The following LARP1B variants were observed in gnomAD, a reference collection of about 807,000 sequenced individuals.
The protein encoded by LARP1B is la-related protein 1B.
Under a neutral mutation model 114.2 loss-of-function variants are expected in LARP1B, and 76 were observed. The ratio of observed to expected loss-of-function variants is 0.67; its 90% CI spans 0.55 to 0.81. The LOEUF is 0.81. Among genes scored for constraint, LARP1B ranks in the 30% least tolerant of loss-of-function variants. LARP1B has a pLI of 0.00. For missense variants in LARP1B, 1,014 were observed against 1,075.8 expected (o/e 0.94, Z 0.80); for synonymous variants, 345 against 348.0 (o/e 0.99, Z 0.10).
At chr4:128,086,515 G>T (rs1399928753) in intron 5 of LARP1B, among the ~76,000 whole-genome samples, 2 of 152,106 alleles carry the variant, frequency 1.3e-5, no homozygotes, top group Admixed American at 1.3e-4. Context: ...TTTTTGTAGA[G>T]ATGGGGTTTC....
intron 7 of LARP1B, among the ~76,000 whole-genome samples, chr4:128,092,122 G>A (rs1443994619): frequency 1.3e-5 from 2 of 152,234 alleles, no homozygotes; most frequent in South Asian, 2.1e-4. Flanking sequence ...ATATAAGACT[G>A]TAAAGCTTCT....
intron 17 of LARP1B, among the ~76,000 whole-genome samples, chr4:128,201,473 C>G (rs953939421): frequency 6.6e-6 from 1 of 152,308 alleles, no homozygotes; most frequent in South Asian, 2.1e-4. Context: ...AAAGCAAGGC[C>G]TCTCACAATA....
intron 3 of LARP1B, among the ~76,000 whole-genome samples, chr4:128,075,840 C>T (rs1342155303): frequency 6.6e-6 from 1 of 152,092 alleles, no homozygotes; most frequent in Non-Finnish European, 1.5e-5. Flanking sequence ...AGCCACCATA[C>T]CTCGCCTATT....
rs1736344199 is a variant in LARP1B, at chr4:128,157,449, TG to T, written c.1525-4742del. ...GCGTAAGTAATATTTGAAGAGATTA[TG>T]GGTAAGAATTTTCCAAAACTGATGA... is the stretch of plus-strand genomic sequence containing the variant. On this transcript the variant is annotated intron_variant, in intron 11 of 19. Transcript: ENST00000326639. Among the ~76,000 whole-genome samples the T allele has an allele frequency of 3.9e-5, 6 of 152,284 alleles. No homozygotes were observed. The South Asian group carries it at 1.2e-3, about 32-fold the overall frequency.
chr4:128,060,818 C>CAGCGGGCCA (rs1759904185), upstream of LARP1B, among the ~76,000 whole-genome samples: 1 of 152,182 alleles, frequency 6.6e-6, no homozygotes, highest in Non-Finnish European at 1.5e-5. Flanking sequence ...CGCCGGGCGC[C>CAGCGGGCCA]AGCGGGCCAA....
intron 7 of LARP1B, chr4:128,093,029 A>C: frequency 1.0e-6 from 1 of 985,348 alleles, no homozygotes; most frequent in Middle Eastern, 5.2e-4. Context: ...CAGAGCCTCT[A>C]AGGTAGGACT....
intron 11 of LARP1B, among the ~76,000 whole-genome samples, chr4:128,139,010 A>G (rs1368132971): frequency 6.6e-6 from 1 of 152,188 alleles, no homozygotes; most frequent in Admixed American, 6.5e-5. Context: ...CAAATATAGC[A>G]GTTTTTTAAA....
At chr4:128,127,332 T>C (rs1482244096) in intron 11 of LARP1B, among the ~76,000 whole-genome samples, 3 of 152,360 alleles carry the variant, frequency 2.0e-5, no homozygotes, top group Middle Eastern at 3.4e-3. Flanking sequence ...TTATGTCTTA[T>C]AGATTTACTA....
chr4:128,083,345 C>T (rs1485694044), intron 5 of LARP1B, among the ~76,000 whole-genome samples: 8 of 152,204 alleles, frequency 5.3e-5, no homozygotes, highest in South Asian at 2.1e-4. Flanking sequence ...ACCTCCCAGA[C>T]GGGGTGGTGG....
chr4:128,214,274 G>A (rs1303493258), downstream of LARP1B, among the ~76,000 whole-genome samples: 128 of 148,394 alleles, frequency 8.6e-4, no homozygotes, highest in Non-Finnish European at 1.2e-3. Context: ...AAAGCAGCCG[G>A]GAAGCTCGAA....
At position 128,121,686 on chromosome 4, in the gene LARP1B, G is replaced by T; in HGVS notation, c.1162-140G>T. On this transcript the variant is annotated intron_variant, in intron 10 of 19. Transcript: ENST00000326639. ...TACTGGGCCAAAATAATACTCACTTGATTTTCTTTTACAGTTTGGCTGTTA... is the reference window on the plus strand; with the variant it reads ...TACTGGGCCAAAATAATACTCACTTTATTTTCTTTTACAGTTTGGCTGTTA... The T allele has an allele frequency of 5.2e-6, 3 of 575,662 alleles. No homozygotes were observed. In the South Asian group the frequency reaches 9.6e-5, roughly 18 times the overall value. 35.7% of individuals were successfully genotyped at this position (575,662 alleles called of 1,614,324 possible). A position where few individuals can be genotyped will look rare whatever the true frequency, so the allele number is the denominator to read the frequency against.
At chr4:128,145,284 AG>A (rs1729850494) in intron 11 of LARP1B, among the ~76,000 whole-genome samples, 1 of 152,180 alleles carries the variant, frequency 6.6e-6, no homozygotes. Context: ...TCTAGACTCG[AG>A]TGTGGACCTT....
At chr4:128,172,561 C>T (rs956345610) in intron 12 of LARP1B, among the ~76,000 whole-genome samples, 1 of 151,830 alleles carries the variant, frequency 6.6e-6, no homozygotes, top group East Asian at 1.9e-4. Context: ...GGTGTGGTGG[C>T]GCACACCTAT....
intron 6 of LARP1B, 70 bp downstream of exon 6, chr4:128,091,214 T>C (rs957888590): frequency 2.7e-5 from 42 of 1,564,082 alleles, no homozygotes; most frequent in Non-Finnish European, 3.3e-5. Context: ...TCCTCTATTA[T>C]GTTTTAACTA....
chr4:128,190,573 G>A (rs1394699029), intron 15 of LARP1B, among the ~76,000 whole-genome samples: 1 of 152,128 alleles, frequency 6.6e-6, no homozygotes, highest in African/African-American at 2.4e-5. Flanking sequence ...TCTTGTGATA[G>A]TGAGTGAGTT....
chr4:128,171,663 G>T (rs1474209146), intron 12 of LARP1B, among the ~76,000 whole-genome samples: 1 of 152,056 alleles, frequency 6.6e-6, no homozygotes, highest in Admixed American at 6.6e-5. Context: ...GAAATACTCA[G>T]GTTAGCAATT....
chr4:128,205,031 T>C (rs948967498), intron 17 of LARP1B, among the ~76,000 whole-genome samples: 4 of 152,218 alleles, frequency 2.6e-5, no homozygotes, highest in South Asian at 2.1e-4. Context: ...TTCTGAACTG[T>C]GGTTCCTTTA....
chr4:128,187,063 C>T (rs1750617863), intron 15 of LARP1B, among the ~76,000 whole-genome samples: 1 of 152,204 alleles, frequency 6.6e-6, no homozygotes, highest in African/African-American at 2.4e-5. Context: ...CTAAAGCCTG[C>T]TGTAGGGGCA....
intron 1 of LARP1B, among the ~76,000 whole-genome samples, chr4:128,072,455 G>A (rs1487051202): frequency 6.6e-6 from 1 of 152,018 alleles, no homozygotes; most frequent in South Asian, 2.1e-4. Flanking sequence ...TTCAGTCTTA[G>A]GTGTTCTCTA....
Sources: gnomAD v4.1 joint callset for allele counts (sites outside exome capture counted in the v4.1 genomes callset) on GRCh38, gnomAD v4.1.1 for gene constraint, MANE v1.5 for transcripts, NCBI Gene and HGNC (gene_info 2026-07-23, HGNC 2026-07-21) for gene names.